TXNDC11: variants seen among roughly 807,000 people sequenced by gnomAD.
TXNDC11 encodes thioredoxin domain containing 11.
Under a neutral mutation model 78.0 loss-of-function variants are expected in TXNDC11, and 68 were observed. The ratio of observed to expected loss-of-function variants is 0.87; its 90% confidence interval spans 0.72 to 1.07. The LOEUF (loss-of-function observed/expected upper bound fraction) is 1.07. TXNDC11 is among the 50% of genes least tolerant of loss of function. The pLI is 0.00. For missense variants in TXNDC11, 1,389 were observed against 1,221.8 expected, an observed-to-expected ratio of 1.14 and a Z score of -2.04; for synonymous variants, 571 against 495.2, an observed-to-expected ratio of 1.15 and a Z score of -2.03.
At chr16:11,702,092 G>GTATATA (rs35673646) in intron 5 of TXNDC11, among the ~76,000 whole-genome samples, 1,452 of 144,332 alleles carry the variant, frequency 0.01, 16 homozygotes, top group African/African-American at 0.031. Context: ...GTATGTATGT[G>GTATATA]TATATATATA....
chr16:11,711,522 T>G (rs1166273793), intron 5 of TXNDC11, among the ~76,000 whole-genome samples: 3 of 152,194 alleles, frequency 2.0e-5, no homozygotes, highest in African/African-American at 7.2e-5. Flanking sequence ...TCAAAGCCAG[T>G]GACAACTAGA....
Position 11,679,795 on chromosome 16 carries a change from G to C in TXNDC11, c.2277C>G (p.Thr759=). The C allele has an allele frequency of 6.2e-7, 1 of 1,613,880 alleles. No homozygotes were observed. The highest frequency in any genetic ancestry group is 8.5e-7 in the Non-Finnish European group (1 of 1,179,788). Residue 759 remains threonine (T), a synonymous_variant, in exon 12 of 12, where the codon ACC becomes ACG. Transcript: ENST00000283033. This position sits in a 1 kb window ranked among gnomAD's most constrained non-coding sequence, Gnocchi z 4.6. ...AAATGAACCTCAACAGGTTTGGAAG[G>C]GTGATGGGGACGTCTTCGGGGTATT... The part of the protein sequence containing the change: ...SVKYPEDVPI[T]LPNLLRFILH...
intron 11 of TXNDC11, among the ~76,000 whole-genome samples, chr16:11,681,886 A>G (rs1275528280): frequency 1.3e-5 from 2 of 152,084 alleles, no homozygotes; most frequent in Non-Finnish European, 2.9e-5. Context: ...CATGATTTTT[A>G]TAAATCAAGA....
At chr16:11,734,133 C>A in intron 2 of TXNDC11, 54 bp from the exon 3 acceptor site, 2 of 1,145,638 alleles carry the variant, frequency 1.7e-6, no homozygotes, top group Admixed American at 2.4e-5. Flanking sequence ...TGAAAAGTTA[C>A]CAAGATTTAA....
At chr16:11,712,054 G>C (rs1198899207) in intron 5 of TXNDC11, among the ~76,000 whole-genome samples, 2 of 152,186 alleles carry the variant, frequency 1.3e-5, no homozygotes, top group South Asian at 2.1e-4. Flanking sequence ...AATGCTTCTA[G>C]TTCTTTATCT....
At chr16:11,680,991 G>T (rs186970398) in intron 11 of TXNDC11, among the ~76,000 whole-genome samples, 1 of 151,816 alleles carries the variant, frequency 6.6e-6, no homozygotes, top group African/African-American at 2.4e-5. Flanking sequence ...ATATAGTAAG[G>T]CCTCATCTGT....
At chr16:11,730,515 T>C in intron 4 of TXNDC11, 130 bp downstream of exon 4, 1 of 902,852 alleles carries the variant, frequency 1.1e-6, no homozygotes, top group Non-Finnish European at 1.7e-6. Context: ...TAACTGGGGC[T>C]GATCTATCAC....
chr16:11,693,366 C>CATTT (rs2050773189), intron 7 of TXNDC11, among the ~76,000 whole-genome samples: 1 of 152,158 alleles, frequency 6.6e-6, no homozygotes, highest in Admixed American at 6.5e-5. Context: ...AATCCAAAGG[C>CATTT]ATTTACTCTC....
Position 11,690,508 on chromosome 16 carries a change from G to A in TXNDC11, c.1900+782C>T, listed in dbSNP as rs62040599. On this transcript the variant is annotated intron_variant, in intron 8 of 11. Transcript: ENST00000283033. ...GTGGCCTTGATCCTTAGACATTTAA[G>A]CCTATGAGACAAAAAGGGAGGCAAG... Among the ~76,000 whole-genome samples the A allele has an allele frequency of 3.8e-3, 573 of 152,316 alleles. 2 individuals are homozygous for A. Among genetic ancestry groups the A allele is most frequent in the Non-Finnish European group, 5.7e-3 (386 of 68,022 alleles).
chr16:11,726,992 G>A (rs901509942), intron 4 of TXNDC11, among the ~76,000 whole-genome samples: 2 of 152,150 alleles, frequency 1.3e-5, no homozygotes, highest in African/African-American at 4.8e-5. Flanking sequence ...GGTGGAGGTT[G>A]CGGTGAGACG....
intron 3 of TXNDC11, among the ~76,000 whole-genome samples, chr16:11,733,526 CAAA>C (rs1044396787): frequency 7.4e-6 from 1 of 135,424 alleles, no homozygotes. Flanking sequence ...GACTCCGTCT[CAAA>C]AAAAAAAAAG....
intron 5 of TXNDC11, among the ~76,000 whole-genome samples, chr16:11,708,897 T>C (rs187199138): frequency 6.6e-6 from 1 of 152,358 alleles, no homozygotes; most frequent in East Asian, 1.9e-4. Context: ...AAAAATAGGA[T>C]TATTTTAAAA....
chr16:11,705,644 A>G (rs2051159615), intron 5 of TXNDC11, among the ~76,000 whole-genome samples: 1 of 152,254 alleles, frequency 6.6e-6, no homozygotes, highest in Non-Finnish European at 1.5e-5. Flanking sequence ...CTGCCTTAAT[A>G]AGAATGGACA....
chr16:11,733,604 C>T (rs1365240953), intron 3 of TXNDC11, among the ~76,000 whole-genome samples: 4 of 151,996 alleles, frequency 2.6e-5, no homozygotes, highest in Non-Finnish European at 4.4e-5. Context: ...TGGTAAGATA[C>T]ACTCTGGACT....
Position 11,701,421 on chromosome 16 carries a change from G to T in TXNDC11, c.794-857C>A, listed in dbSNP as rs1027915004. On this transcript the variant is annotated intron_variant, in intron 5 of 11. Coordinates refer to ENST00000283033, the MANE Select transcript of TXNDC11 (RefSeq NM_015914.7). ...CAAAGTGCCAGAATTACAGGTGTGA[G>T]CCACCACACTCGGCCCAATTTCCTC... Among the ~76,000 whole-genome samples, 7 of 152,074 alleles carry T rather than the reference G, an allele frequency of 4.6e-5. No individual in the cohort carries two copies. In the East Asian group the frequency reaches 1.3e-3, roughly 29 times the overall value.
intron 4 of TXNDC11, among the ~76,000 whole-genome samples, chr16:11,726,570 A>T (rs2051884926): frequency 8.2e-6 from 1 of 121,804 alleles, no homozygotes; most frequent in Non-Finnish European, 1.7e-5. Flanking sequence ...ACAGAGCGAG[A>T]CTCCACCTCA....
rs1427994939 is a variant in TXNDC11, at chr16:11,736,161, G to T, written c.327C>A (p.Asp109Glu). 1.2e-6 allele frequency: 2 copies of T among 1,614,190 alleles called. No individual in the cohort carries two copies. The highest frequency in any genetic ancestry group is 1.7e-6 in the Non-Finnish European group (2 of 1,180,026). The change falls in exon 2 of 12, where the codon GAC becomes GAA. Residue 109 changes from aspartate to glutamate, a missense_variant. Coordinates refer to ENST00000283033, the MANE Select transcript of TXNDC11 (RefSeq NM_015914.7). The stretch of plus-strand genomic sequence containing the variant: ...CATAATCCAGCTGCCCCTGGAAGAG[G>T]TCAAGGACTGGAGACCTCAAGGAGA... ...SFFSLRSPVLDLFQGQLDYAE... is the reference protein window; with the variant it reads ...SFFSLRSPVLELFQGQLDYAE...
chr16:11,718,181 C>T (rs1430307886), intron 5 of TXNDC11, among the ~76,000 whole-genome samples: 2 of 152,100 alleles, frequency 1.3e-5, no homozygotes, highest in Non-Finnish European at 1.5e-5. Context: ...AGACATGGTA[C>T]TCTCGCAAAT....
At position 11,703,895 on chromosome 16, in the gene TXNDC11, C is replaced by A. The variant is rs2051104530; in HGVS notation, c.794-3331G>T. 9.3e-6 allele frequency: 5 copies of A among 535,956 alleles called. No individual in the cohort carries two copies. The South Asian group carries it at 1.0e-4, about 11-fold the overall frequency. The allele number at this position is 535,956 out of a possible 1,614,324, so 33.2% of individuals were successfully genotyped here. Reference sequence around the variant, plus strand: ...TCACCTGAGGTCATGAGTTTGAGACCAGCCTGGCCAACATAGTGAAACCCC... The same window carrying A: ...TCACCTGAGGTCATGAGTTTGAGACAAGCCTGGCCAACATAGTGAAACCCC... On this transcript the variant is annotated intron_variant, in intron 5 of 11. Transcript: ENST00000283033.
Sources: allele counts gnomAD v4.1 joint callset (sites outside exome capture counted in the v4.1 genomes callset), GRCh38; gene constraint gnomAD v4.1.1; non-coding constraint Gnocchi (gnomAD v3.1); transcripts MANE v1.5; gene names NCBI Gene and HGNC (gene_info 2026-07-23, HGNC 2026-07-21).